The following ZNF782 variants were observed in gnomAD, a reference collection of about 807,000 sequenced individuals.
ZNF782 encodes the protein zinc finger protein 782.
Under a neutral mutation model 13.0 loss-of-function variants are expected in ZNF782, and 12 were observed. The ratio of observed to expected loss-of-function variants is 0.92; its 90% CI spans 0.59 to 1.50. The LOEUF is 1.50. Ranked by LOEUF, ZNF782 falls within the 40% of genes most tolerant of loss-of-function variation. ZNF782 has a pLI of 0.00. For synonymous variants in ZNF782, 284 were observed against 283.0 expected (o/e 1.00, Z -0.04); for missense variants, 770 against 822.9 (o/e 0.94, Z 0.79).
chr9:96,841,678 T>C (rs1851195000), intron 4 of ZNF782, among the ~76,000 whole-genome samples: 2 of 151,918 alleles, frequency 1.3e-5, no homozygotes, highest in African/African-American at 4.8e-5. Flanking sequence ...TCAATATCCA[T>C]TCATAATCAA....
At chr9:96,892,195 C>A in the ZNF782 span, 1 of 152,144 alleles carries the variant, frequency 6.6e-6, no homozygotes. Context: ...TTTTTTAGTT[C>A]TTAGCAAAGC....
the ZNF782 span, among the ~76,000 whole-genome samples, chr9:96,902,231 C>T: frequency 6.6e-6 from 1 of 151,206 alleles, no homozygotes. Flanking sequence ...GTCAGGATCC[C>T]TGACCAACTT....
At chr9:96,926,866 T>C in the ZNF782 span, among the ~76,000 whole-genome samples, 28 of 152,158 alleles carry the variant, frequency 1.8e-4, no homozygotes, top group Admixed American at 1.8e-3. Flanking sequence ...GTTCACAGTG[T>C]GCACTGGTCC....
upstream of ZNF782, among the ~76,000 whole-genome samples, chr9:96,876,868 T>G (rs1851897686): frequency 8.1e-6 from 1 of 123,108 alleles, no homozygotes; most frequent in African/African-American, 3.1e-5. Flanking sequence ...TAGCGGGGTG[T>G]GGTGGCGGGC....
rs766347076 is a variant in ZNF782 at position 96,819,798 on chromosome 9, A to G, written c.245-20T>C. On this transcript the variant is annotated intron_variant, in intron 5 of 5. Transcript: ENST00000481138. ...AGTCTTCTAAAAATGATAAAATTAAACAAACTTTATGATATTTAACACATT... is the reference window on the plus strand; with the variant it reads ...AGTCTTCTAAAAATGATAAAATTAAGCAAACTTTATGATATTTAACACATT... The G allele has an allele frequency of 3.3e-6, 5 of 1,533,182 alleles. No individual in the cohort carries two copies. The highest frequency in any genetic ancestry group is 4.4e-6 in the Non-Finnish European group (5 of 1,145,982). 95.0% of individuals were successfully genotyped at this position (1,533,182 alleles called of 1,614,324 possible). A position where few individuals can be genotyped will look rare whatever the true frequency, so the allele number is the denominator to read the frequency against.
chr9:96,887,515 A>ATGCTGGATCTACAAAAACTCACTTG, the ZNF782 span: 1 of 152,354 alleles, frequency 6.6e-6, no homozygotes, highest in East Asian at 1.9e-4. Flanking sequence ...ATACAACATT[A>ATGCTGGATCTACAAAAACTCACTTG]TGCTGGATCT....
At chr9:96,845,564 G>A (rs1184130510) in intron 3 of ZNF782, among the ~76,000 whole-genome samples, 1 of 152,148 alleles carries the variant, frequency 6.6e-6, no homozygotes, top group Non-Finnish European at 1.5e-5. Context: ...GCTGGGAAGT[G>A]AATCTTTACA....
At chr9:96,819,951 A>T (rs964634832) in intron 5 of ZNF782, among the ~76,000 whole-genome samples, 173 bp from the exon 6 acceptor site, 2 of 151,908 alleles carry the variant, frequency 1.3e-5, no homozygotes, top group Admixed American at 6.6e-5. Flanking sequence ...TTTTAGCTTA[A>T]ATTTTTTTTT....
intron 3 of ZNF782, 62 bp from the exon 4 acceptor site, chr9:96,845,078 G>A (rs551954738): frequency 1.3e-5 from 20 of 1,593,156 alleles, no homozygotes; most frequent in African/African-American, 5.4e-5. Context: ...AAACGTTTTC[G>A]GAAACTAACT....
chr9:96,862,346 C>A (rs924046336), intron 1 of ZNF782, among the ~76,000 whole-genome samples: 1 of 152,132 alleles, frequency 6.6e-6, no homozygotes, highest in Non-Finnish European at 1.5e-5. Context: ...ATTATTTAAT[C>A]GTACATTTTA....
At chr9:96,890,025 G>T in the ZNF782 span, 1 of 152,398 alleles carries the variant, frequency 6.6e-6, no homozygotes, top group Non-Finnish European at 1.5e-5. Context: ...TTTTCTTGTG[G>T]AACATCATCC....
intron 1 of ZNF782, among the ~76,000 whole-genome samples, chr9:96,866,825 G>C (rs1212369223): frequency 6.6e-6 from 1 of 152,238 alleles, no homozygotes; most frequent in African/African-American, 2.4e-5. Context: ...GGAGTCAAAG[G>C]AGATCACTCT....
intron 4 of ZNF782, among the ~76,000 whole-genome samples, chr9:96,841,078 A>G (rs1437487371): frequency 6.6e-6 from 1 of 152,032 alleles, no homozygotes; most frequent in Non-Finnish European, 1.5e-5. Context: ...GTCTATAAAT[A>G]CAGATCCTGA....
chr9:96,817,894 GT>G lies in ZNF782; in HGVS notation c.*28del. 6.6e-7 allele frequency: 1 copy of G among 1,517,814 alleles called. No individual in the cohort carries two copies. The allele number at this position is 1,517,814 out of a possible 1,614,324, so 94.0% of individuals were successfully genotyped here. On this transcript the variant is annotated 3_prime_UTR_variant, in exon 6 of 6. Coordinates refer to ENST00000481138, the MANE Select transcript of ZNF782 (RefSeq NM_001001662.3). ...TGTGAGGTTTGATTTCCAGCTCAGA[GT>G]TTTTTCGTATTCTTTATATGCATAC...
Position 96,827,147 on chromosome 9 carries a change from T to C in ZNF782, c.177A>G (p.Thr59=). 2.5e-6 allele frequency: 4 copies of C among 1,612,614 alleles called. No homozygotes were observed. Among genetic ancestry groups the C allele is most frequent in the South Asian group, 2.2e-5 (2 of 90,820 alleles). ...YCFTKPELIF[T]LEQGEDPWLL... is the part of the protein sequence containing the mutation. ...ACCATGGATCTTCTCCTTGTTCCAA[T>C]GTGAAGATCAGTTCTGGTTTTGTAA... Residue 59 remains threonine (T), a synonymous_variant, in exon 5 of 6, where the codon ACA becomes ACG. Coordinates refer to ENST00000481138, the MANE Select transcript of ZNF782 (RefSeq NM_001001662.3).
chr9:96,844,338 T>G (rs1851278622), intron 4 of ZNF782, among the ~76,000 whole-genome samples: 1 of 152,132 alleles, frequency 6.6e-6, no homozygotes, highest in African/African-American at 2.4e-5. Flanking sequence ...TGGGAAAAAA[T>G]TCCGTATGTT....
chr9:96,887,328 A>AGGGAGGGAGGGAG, the ZNF782 span: 1 of 150,988 alleles, frequency 6.6e-6, no homozygotes, highest in African/African-American at 2.5e-5. Context: ...GAAGGAAGGA[A>AGGGAGGGAGGGAG]GGAAGGAAGG....
upstream of ZNF782, among the ~76,000 whole-genome samples, chr9:96,879,282 A>T (rs1323088194): frequency 6.6e-6 from 1 of 152,194 alleles, no homozygotes; most frequent in East Asian, 1.9e-4. Flanking sequence ...AGGTCAAGAG[A>T]TCGAGACCAT....
At position 96,818,721 on chromosome 9, in the gene ZNF782, C is replaced by T; in HGVS notation, c.1302G>A (p.Lys434=). 1 of 1,613,944 alleles carries T rather than the reference C, an allele frequency of 6.2e-7. No homozygotes were observed. Among genetic ancestry groups the T allele is most frequent in the East Asian group, 2.2e-5 (1 of 44,864 alleles). The change falls in exon 6 of 6, where the codon AAG becomes AAA. Residue 434 remains lysine (K), a synonymous_variant. Coordinates refer to ENST00000481138, the MANE Select transcript of ZNF782 (RefSeq NM_001001662.3). ...TTCTCTGGTGTATTCTTAGGCCTGA[C>T]TTTGCACTGAAAGCTTTATCACATC... ...CDGCDKAFSA[K]SGLRIHQRTH...
Sources: allele counts gnomAD v4.1 joint callset (sites outside exome capture counted in the v4.1 genomes callset), GRCh38; gene constraint gnomAD v4.1.1; transcripts MANE v1.5; gene names NCBI Gene and HGNC (gene_info 2026-07-23, HGNC 2026-07-21).